ROBO1: variants seen among roughly 807,000 people sequenced by gnomAD.
The protein encoded by ROBO1 is roundabout guidance receptor 1.
Under a neutral mutation model 195.9 loss-of-function variants are expected in ROBO1, and 149 were observed. The observed-to-expected ratio is 0.76, with a 90% CI of 0.67 to 0.87. The LOEUF is 0.87. ROBO1 is among the 40% of genes least tolerant of loss of function. The pLI is 0.00. For synonymous variants in ROBO1, 816 were observed against 733.2 expected (o/e 1.11, Z -1.82); for missense variants, 1,933 against 2,068.3 (o/e 0.93, Z 1.27).
intron 2 of ROBO1, among the ~76,000 whole-genome samples, chr3:79,155,472 A>G (rs1221084044): frequency 6.6e-6 from 1 of 151,776 alleles, no homozygotes; most frequent in East Asian, 1.9e-4. Context: ...GCCTAAAATT[A>G]TTTAGTGACT....
At chr3:79,513,948 ATATG>A (rs1940833549) in intron 2 of ROBO1, among the ~76,000 whole-genome samples, 1 of 152,206 alleles carries the variant, frequency 6.6e-6, no homozygotes, top group African/African-American at 2.4e-5. Flanking sequence ...TAACACAATT[ATATG>A]TATGAATCAC....
chr3:79,005,842 T>C (rs1164909967), intron 3 of ROBO1, among the ~76,000 whole-genome samples: 1 of 152,180 alleles, frequency 6.6e-6, no homozygotes, highest in African/African-American at 2.4e-5. Context: ...CTCCTGAAAA[T>C]ATTTCTGTCA....
intron 2 of ROBO1, among the ~76,000 whole-genome samples, chr3:79,135,857 G>A (rs1036878774): frequency 2.6e-5 from 4 of 152,050 alleles, no homozygotes; most frequent in Admixed American, 1.3e-4. Flanking sequence ...GGCTGTTATC[G>A]AACTCCAGGC....
At chr3:79,044,473 A>T (rs2078552442) in intron 3 of ROBO1, among the ~76,000 whole-genome samples, 1 of 152,206 alleles carries the variant, frequency 6.6e-6, no homozygotes, top group Admixed American at 6.6e-5. Flanking sequence ...ATTCTAGAAG[A>T]TATAAAAGTA....
At chr3:79,370,669 TGTA>T (rs1412181807) in intron 2 of ROBO1, among the ~76,000 whole-genome samples, 2 of 151,266 alleles carry the variant, frequency 1.3e-5, no homozygotes, top group African/African-American at 4.9e-5. Flanking sequence ...TCTATAATAA[TGTA>T]TTATATATAT....
intron 2 of ROBO1, among the ~76,000 whole-genome samples, chr3:79,263,686 C>T (rs903517848): frequency 3.3e-5 from 5 of 151,808 alleles, no homozygotes; most frequent in African/African-American, 1.2e-4. Context: ...AGGACTTTGC[C>T]TTTCGATATT....
At position 79,198,761 on chromosome 3, in the gene ROBO1, G is replaced by T. The variant is rs145182680; in HGVS notation, c.89-73222C>A. On this transcript the variant is annotated intron_variant, in intron 2 of 30. Transcript: ENST00000464233. ...CTTGAAGAGGTCCTTCACATCCCTT[G>T]TAAGTTGGATTCCTAGGTATTTTGT... Among the ~76,000 whole-genome samples the T allele has an allele frequency of 3.1e-3, 472 of 152,128 alleles. 6 individuals carry two copies. The highest frequency in any genetic ancestry group is 0.011 in the African/African-American group (455 of 41,512).
intron 2 of ROBO1, among the ~76,000 whole-genome samples, chr3:79,455,115 T>C (rs540602810): frequency 6.6e-6 from 1 of 151,906 alleles, no homozygotes; most frequent in South Asian, 2.1e-4. Context: ...TTAGTTTCAA[T>C]TCACACCTTG....
intron 2 of ROBO1, among the ~76,000 whole-genome samples, chr3:79,536,228 G>A (rs950171772): frequency 3.3e-5 from 5 of 151,802 alleles, no homozygotes; most frequent in Non-Finnish European, 5.9e-5. Flanking sequence ...AAATTTATTA[G>A]TTTATATATA....
chr3:79,411,445 T>G (rs1288028980), intron 2 of ROBO1, among the ~76,000 whole-genome samples: 1 of 151,450 alleles, frequency 6.6e-6, no homozygotes, highest in Non-Finnish European at 1.5e-5. Context: ...TTGTAAAGTA[T>G]CAGCTTTTAA....
intron 4 of ROBO1, among the ~76,000 whole-genome samples, chr3:78,826,252 C>T (rs190311021): frequency 4.0e-4 from 61 of 152,194 alleles, no homozygotes; most frequent in African/African-American, 9.9e-4. Context: ...AAATATAGAA[C>T]GCACATTATA....
At chr3:79,186,826 G>A (rs1004449342) in intron 2 of ROBO1, among the ~76,000 whole-genome samples, 1 of 152,082 alleles carries the variant, frequency 6.6e-6, no homozygotes, top group South Asian at 2.1e-4. Context: ...ACTACCCTAG[G>A]TAGCCTCTAA....
At chr3:78,931,236 C>CTTTTTTTTTTTTTTTTTTTTTTTTT (rs71127369) in intron 4 of ROBO1, among the ~76,000 whole-genome samples, 1 of 79,206 alleles carries the variant, frequency 1.3e-5, no homozygotes, top group Non-Finnish European at 2.4e-5. Flanking sequence ...TTCTTTCTTT[C>CTTTTTTTTTTTTTTTTTTTTTTTTT]TTTTTTTTTT....
chr3:78,621,577 T>C (rs568937017), intron 26 of ROBO1, among the ~76,000 whole-genome samples: 2 of 152,176 alleles, frequency 1.3e-5, no homozygotes, highest in Non-Finnish European at 2.9e-5. Context: ...CCAGGGAATG[T>C]GTGATAAACA....
chr3:79,039,801 C>CAAAAAAAAAAAA (rs1214691931), intron 3 of ROBO1, among the ~76,000 whole-genome samples: 3,564 of 51,108 alleles, frequency 0.07, 1,160 homozygotes, highest in African/African-American at 0.079. Context: ...GACTCCGTCT[C>CAAAAAAAAAAAA]AAAAAAAAAA....
intron 2 of ROBO1, among the ~76,000 whole-genome samples, chr3:79,176,311 G>T (rs535729941): frequency 6.6e-6 from 1 of 152,202 alleles, no homozygotes; most frequent in East Asian, 1.9e-4. Context: ...TGACTTAAAA[G>T]AAAAATTATC....
chr3:79,569,144 A>G (rs191870954), intron 2 of ROBO1, among the ~76,000 whole-genome samples: 2,576 of 152,236 alleles, frequency 0.017, 45 homozygotes, highest in Middle Eastern at 0.066. Flanking sequence ...ACACACACAC[A>G]CACGCACGAT....
chr3:78,740,749 A>G (rs1159277889), intron 5 of ROBO1, among the ~76,000 whole-genome samples: 1 of 152,164 alleles, frequency 6.6e-6, no homozygotes, highest in East Asian at 1.9e-4. Context: ...CTGGGATTAC[A>G]TGCATGAGCC....
chr3:79,765,854 G>A (rs952085408), intron 1 of ROBO1, among the ~76,000 whole-genome samples: 72 of 152,104 alleles, frequency 4.7e-4, no homozygotes, highest in African/African-American at 1.7e-3. Flanking sequence ...TGTGCGCTCA[G>A]CCCGGGTTGA....
Sources: gnomAD v4.1 joint callset for allele counts (sites outside exome capture counted in the v4.1 genomes callset) on GRCh38, gnomAD v4.1.1 for gene constraint, MANE v1.5 for transcripts, NCBI Gene and HGNC (gene_info 2026-07-23, HGNC 2026-07-21) for gene names.